RSPH4A: variants seen among roughly 807,000 people sequenced by gnomAD.
RSPH4A encodes the protein radial spoke head protein 4 homolog A.
Under a neutral mutation model 71.0 loss-of-function variants are expected in RSPH4A, and 47 were observed. That is an observed-to-expected ratio of 0.66 (90% confidence interval 0.52 to 0.84). RSPH4A has a LOEUF of 0.84. RSPH4A is among the 40% of genes least tolerant of loss of function. The pLI is 0.00. For synonymous variants in RSPH4A, 282 were observed against 302.3 expected (o/e 0.93, Z 0.70); for missense variants, 793 against 855.2 (o/e 0.93, Z 0.91).
Position 116,632,563 on chromosome 6 carries a change from C to G in RSPH4A, c.*122C>G. 8.1e-7 allele frequency: 1 copy of G among 1,234,474 alleles called. No homozygotes were observed. Among genetic ancestry groups the G allele is most frequent in the African/African-American group, 1.5e-5 (1 of 65,210 alleles). The allele number at this position is 1,234,474 out of a possible 1,614,324, so 76.5% of individuals were successfully genotyped here. On this transcript the variant is annotated 3_prime_UTR_variant, in exon 6 of 6. Transcript: ENST00000229554. ...CATACACATGTAAGAAATTATTCAA[C>G]TGCAAAATCTCAATCTTGAAAATCA... is the stretch of plus-strand genomic sequence containing the variant.
intron 3 of RSPH4A, 121 bp from the exon 4 acceptor site, chr6:116,629,446 A>G: frequency 9.7e-7 from 1 of 1,027,498 alleles, no homozygotes; most frequent in Non-Finnish European, 1.5e-6. Flanking sequence ...ATGTAGAATG[A>G]ATGAATGAAT....
intron 2 of RSPH4A, 56 bp downstream of exon 2, chr6:116,623,058 T>A: frequency 9.4e-7 from 1 of 1,066,160 alleles, no homozygotes; most frequent in Non-Finnish European, 1.5e-6. Flanking sequence ...TTGGGACGAA[T>A]GGCTGTGGCT....
chr6:116,619,650 T>G (rs1775568019), intron 1 of RSPH4A, among the ~76,000 whole-genome samples: 1 of 150,488 alleles, frequency 6.6e-6, no homozygotes, highest in Non-Finnish European at 1.5e-5. Context: ...GTCTAAGGAA[T>G]AAAAAAATTA....
At chr6:116,626,481 A>G (rs1191294548) in intron 2 of RSPH4A, among the ~76,000 whole-genome samples, 2 of 152,072 alleles carry the variant, frequency 1.3e-5, no homozygotes, top group Non-Finnish European at 2.9e-5. Context: ...AGCTGGGACT[A>G]CAGGTGCTCC....
At position 116,622,719 on chromosome 6, in the gene RSPH4A, C is replaced by G. The variant is rs747270957; in HGVS notation, c.687-49C>G. 3.3e-6 allele frequency: 4 copies of G among 1,208,744 alleles called. No individual in the cohort carries two copies. The African/African-American group carries it at 6.0e-5, about 18-fold the overall frequency. 74.9% of individuals were successfully genotyped at this position (1,208,744 alleles called of 1,614,324 possible). The stretch of plus-strand genomic sequence containing the variant: ...GAAATGTCAAAGAAAAATGCTTCTT[C>G]AAATGCTCTTGACATGTATATTATC... On this transcript the variant is annotated intron_variant, in intron 1 of 5. Transcript: ENST00000229554.
intron 2 of RSPH4A, among the ~76,000 whole-genome samples, chr6:116,625,317 C>G (rs1775677103): frequency 6.6e-6 from 1 of 151,920 alleles, no homozygotes; most frequent in Non-Finnish European, 1.5e-5. Context: ...AAATTAAATT[C>G]TTAGAAAAAG....
At position 116,616,619 on chromosome 6, in the gene RSPH4A, C is replaced by T. The variant is rs1219848034; in HGVS notation, c.-5C>T. ...CCAGAACATTTTTTTTCTTGAACTG[C>T]TTCCATGGAGGACTCAACCTCCCCG... On this transcript the variant is annotated 5_prime_UTR_variant, in exon 1 of 6. Transcript: ENST00000229554. The T allele has an allele frequency of 6.2e-7, 1 of 1,610,248 alleles. No individual in the cohort carries two copies.
chr6:116,621,289 A>G (rs1583347707), intron 1 of RSPH4A, among the ~76,000 whole-genome samples: 1 of 152,254 alleles, frequency 6.6e-6, no homozygotes, highest in East Asian at 1.9e-4. Flanking sequence ...CAAATACTGT[A>G]TAATATTTTA....
rs757886950 is a variant in RSPH4A, at chr6:116,632,204, T to C, written c.1917-3T>C. The stretch of plus-strand genomic sequence containing the variant: ...TTTTTCTTCTTCTTTTTCTTACTTA[T>C]AGAAAGTTTGAAAATTTCTACATAG... On this transcript the variant is annotated splice_polypyrimidine_tract_variant and splice_region_variant and intron_variant, in intron 5 of 5. Coordinates refer to ENST00000229554, the MANE Select transcript of RSPH4A (RefSeq NM_001010892.3). The C allele has an allele frequency of 6.9e-6, 11 of 1,600,098 alleles. No individual in the cohort carries two copies. The highest frequency in any genetic ancestry group is 1.1e-5 in the South Asian group (1 of 89,864).
At chr6:116,622,729 T>G in intron 1 of RSPH4A, 39 bp from the exon 2 acceptor site, 2 of 1,259,888 alleles carry the variant, frequency 1.6e-6, no homozygotes, top group Non-Finnish European at 2.3e-6. Context: ...CAAATGCTCT[T>G]GACATGTATA....
intron 4 of RSPH4A, 152 bp downstream of exon 4, chr6:116,629,854 G>A: frequency 2.7e-6 from 2 of 736,704 alleles, no homozygotes; most frequent in Non-Finnish European, 4.6e-6. Flanking sequence ...GGATGATAGG[G>A]AGTGAAGAAT....
intron 2 of RSPH4A, among the ~76,000 whole-genome samples, chr6:116,626,499 A>G (rs1366731930): frequency 6.6e-6 from 1 of 151,562 alleles, no homozygotes; most frequent in African/African-American, 2.4e-5. Flanking sequence ...TCCCCACCAC[A>G]CCCGGCTGAC....
chr6:116,620,217 A>G (rs1433740468), intron 1 of RSPH4A, among the ~76,000 whole-genome samples: 1 of 152,244 alleles, frequency 6.6e-6, no homozygotes, highest in Admixed American at 6.5e-5. Context: ...ACAATTTAAA[A>G]CAATGTGAAA....
rs1460075294 is a variant in RSPH4A, at chr6:116,632,491, C to T, written c.*50C>T. Reference sequence around the variant, plus strand: ...ATGTGACACTGATACACACACACCCCTTATATGGGACTAATTTTACACTTT... The same window carrying T: ...ATGTGACACTGATACACACACACCCTTTATATGGGACTAATTTTACACTTT... On this transcript the variant is annotated 3_prime_UTR_variant, in exon 6 of 6. Transcript: ENST00000229554. 3 of 1,566,500 alleles carry T rather than the reference C, an allele frequency of 1.9e-6. No individual in the cohort carries two copies. The highest frequency in any genetic ancestry group is 2.6e-6 in the Non-Finnish European group (3 of 1,154,966).
chr6:116,620,398 A>T (rs1318805641), intron 1 of RSPH4A, among the ~76,000 whole-genome samples: 1 of 152,168 alleles, frequency 6.6e-6, no homozygotes, highest in African/African-American at 2.4e-5. Flanking sequence ...TTAGTAAAAG[A>T]TTACTTTAAC....
At position 116,630,502 on chromosome 6, in the gene RSPH4A, A is replaced by G; in HGVS notation, c.1866A>G (p.Ala622=). ...ATCTCATTCCACAATATGCTATTGC[A>G]GTCCTTCAATCCAACCTTTGGCCTG... ...SSNLIPQYAI[A]VLQSNLWPGA... is the part of the protein sequence containing the mutation. The change falls in exon 5 of 6, where the codon GCA becomes GCG. Residue 622 remains alanine, a synonymous_variant. Coordinates refer to ENST00000229554, the MANE Select transcript of RSPH4A (RefSeq NM_001010892.3). 6.2e-7 allele frequency: 1 copy of G among 1,611,836 alleles called. No homozygotes were observed. The highest frequency in any genetic ancestry group is 1.1e-5 in the South Asian group (1 of 91,036).
intron 3 of RSPH4A, among the ~76,000 whole-genome samples, chr6:116,629,139 C>T (rs1231894055): frequency 6.6e-6 from 1 of 152,130 alleles, no homozygotes; most frequent in East Asian, 1.9e-4. Context: ...GCTTTCTCTA[C>T]ATAAGAGCTA....
In RSPH4A at chr6:116,630,551, A is replaced by C; in HGVS notation, c.1915A>C (p.Lys639Gln). Residue 639 changes from lysine to glutamine, a missense_variant and splice_region_variant, in exon 5 of 6, where the codon AAA becomes CAA. By Grantham distance (53) the Lys-to-Gln change is moderately conservative (BLOSUM62 1). Coordinates refer to ENST00000229554, the MANE Select transcript of RSPH4A (RefSeq NM_001010892.3). Reference sequence around the variant, plus strand: ...TGGAGCATATGCCTTCTCCAATGGCAAGTAAGTATCTGACCACTTACAAAG... The same window carrying C: ...TGGAGCATATGCCTTCTCCAATGGCCAGTAAGTATCTGACCACTTACAAAG... ...WPGAYAFSNG[K>Q]KFENFYIGWG... 3 of 1,440,460 alleles carry C rather than the reference A, an allele frequency of 2.1e-6. No individual in the cohort carries two copies. Among genetic ancestry groups the C allele is most frequent in the Non-Finnish European group, 2.0e-6 (2 of 1,022,018 alleles). 89.2% of individuals were successfully genotyped at this position (1,440,460 alleles called of 1,614,324 possible). A position where few individuals can be genotyped will look rare whatever the true frequency, so the allele number is the denominator to read the frequency against.
intron 1 of RSPH4A, among the ~76,000 whole-genome samples, chr6:116,622,412 G>A (rs984632000): frequency 2.0e-5 from 3 of 152,122 alleles, no homozygotes; most frequent in East Asian, 1.9e-4. Context: ...AATACGTATC[G>A]TGCTCTAAAA....
Sources: allele counts gnomAD v4.1 joint callset (sites outside exome capture counted in the v4.1 genomes callset), GRCh38; gene constraint gnomAD v4.1.1; transcripts MANE v1.5; gene names NCBI Gene and HGNC (gene_info 2026-07-23, HGNC 2026-07-21).